Variants in RAPGEF5 observed in about 807,000 individuals in gnomAD.
The protein encoded by RAPGEF5 is M-Ras-regulated GEF.
Under a neutral mutation model 125.2 loss-of-function variants are expected in RAPGEF5, and 65 were observed. The observed-to-expected ratio is 0.52, with a 90% confidence interval of 0.43 to 0.64. RAPGEF5 has a LOEUF of 0.64. RAPGEF5 is among the 30% of genes least tolerant of loss of function. RAPGEF5 has a pLI of 0.00. For missense variants in RAPGEF5, 958 were observed against 1,048.1 expected, an observed-to-expected ratio of 0.91 and a Z score of 1.19; for synonymous variants, 391 against 385.9, an observed-to-expected ratio of 1.01 and a Z score of -0.16.
intron 11 of RAPGEF5, among the ~76,000 whole-genome samples, chr7:22,174,576 T>A (rs1188103362): frequency 6.6e-6 from 1 of 152,214 alleles, no homozygotes; most frequent in Non-Finnish European, 1.5e-5. Flanking sequence ...AGTCTTGGTC[T>A]ACAGCACAGT....
intron 3 of RAPGEF5, among the ~76,000 whole-genome samples, chr7:22,311,130 A>C (rs1783460715): frequency 6.6e-6 from 1 of 152,038 alleles, no homozygotes; most frequent in African/African-American, 2.4e-5. Flanking sequence ...GACTTGAGAG[A>C]TCCTCCCACC....
Position 22,122,949 on chromosome 7 carries a change from G to A in RAPGEF5, c.2537-428C>T, listed in dbSNP as rs543697675. 1.8e-4 allele frequency among the ~76,000 whole-genome samples: 28 copies of A among 152,136 alleles called. No individual in the cohort carries two copies. In the South Asian group the frequency reaches 2.3e-3, roughly 12 times the overall value. Reference sequence around the variant, plus strand: ...GGGTCCTATATCTCAGTCTAGAAGCGTTGAAAATCGCTGATAATGTATTTA... The same window carrying A: ...GGGTCCTATATCTCAGTCTAGAAGCATTGAAAATCGCTGATAATGTATTTA... On this transcript the variant is annotated intron_variant, in intron 25 of 25. Transcript: ENST00000665637.
intron 7 of RAPGEF5, among the ~76,000 whole-genome samples, chr7:22,244,147 A>C (rs1786410173): frequency 6.6e-6 from 1 of 152,088 alleles, no homozygotes; most frequent in Admixed American, 6.5e-5. Flanking sequence ...TCAAGACTGA[A>C]TAGTATTCTA....
At chr7:22,145,533 T>G (rs968314842) in intron 19 of RAPGEF5, among the ~76,000 whole-genome samples, 2 of 152,206 alleles carry the variant, frequency 1.3e-5, no homozygotes, top group African/African-American at 4.8e-5. Flanking sequence ...TTTCCCAAAC[T>G]TGTCATGTTG....
At chr7:22,190,503 A>G (rs911311366) in intron 11 of RAPGEF5, among the ~76,000 whole-genome samples, 1 of 152,224 alleles carries the variant, frequency 6.6e-6, no homozygotes, top group Non-Finnish European at 1.5e-5. Flanking sequence ...ATTTGCTGAT[A>G]GAATACTATA....
chr7:22,219,089 A>G (rs1237383620), intron 9 of RAPGEF5, among the ~76,000 whole-genome samples: 1 of 152,202 alleles, frequency 6.6e-6, no homozygotes, highest in Non-Finnish European at 1.5e-5. Flanking sequence ...AAACACATGT[A>G]TAAGCGCAGA....
intron 9 of RAPGEF5, among the ~76,000 whole-genome samples, chr7:22,199,126 G>T (rs180869570): frequency 3.8e-4 from 58 of 152,272 alleles, no homozygotes; most frequent in Middle Eastern, 6.8e-3. Context: ...TTTAGTTCTG[G>T]ATGGCCTGTC....
intron 6 of RAPGEF5, among the ~76,000 whole-genome samples, chr7:22,278,492 A>C (rs1176202173): frequency 6.6e-6 from 1 of 152,048 alleles, no homozygotes; most frequent in East Asian, 1.9e-4. Context: ...AAATTCAGAA[A>C]ATGAACAAAA....
rs1211641462 is a variant in RAPGEF5, at chr7:22,223,280, ACT to A, written c.871-3291_871-3290del. ...TGCTTCAAGGAGGAAGAAGTGAAAAACTCTATCGAATGTTGCTGAAATATCAA... is the reference window on the plus strand; with the variant it reads ...TGCTTCAAGGAGGAAGAAGTGAAAAACTATCGAATGTTGCTGAAATATCAA... On this transcript the variant is annotated intron_variant, in intron 8 of 25. Coordinates refer to ENST00000665637, the MANE Select transcript of RAPGEF5 (RefSeq NM_012294.5). 1.8e-4 allele frequency among the ~76,000 whole-genome samples: 28 copies of A among 152,060 alleles called. No homozygotes were observed. The East Asian group carries it at 5.0e-3, about 27-fold the overall frequency.
intron 11 of RAPGEF5, among the ~76,000 whole-genome samples, chr7:22,182,295 G>C (rs953772490): frequency 5.3e-5 from 8 of 152,294 alleles, no homozygotes; most frequent in East Asian, 1.9e-4. Flanking sequence ...GAAGGAGACA[G>C]AGGTTTTTCA....
intron 7 of RAPGEF5, among the ~76,000 whole-genome samples, chr7:22,264,942 A>T (rs1053693258): frequency 6.6e-6 from 1 of 152,130 alleles, no homozygotes; most frequent in African/African-American, 2.4e-5. Context: ...GCTCCAGCAA[A>T]ATTTATTTCC....
intron 6 of RAPGEF5, among the ~76,000 whole-genome samples, chr7:22,285,244 A>C (rs1300217805): frequency 6.6e-6 from 1 of 152,220 alleles, no homozygotes; most frequent in Non-Finnish European, 1.5e-5. Context: ...TACAGTTTCT[A>C]CCAAATGTGT....
At chr7:22,285,097 G>A (rs1370569071) in intron 6 of RAPGEF5, among the ~76,000 whole-genome samples, 3 of 152,188 alleles carry the variant, frequency 2.0e-5, no homozygotes, top group South Asian at 2.1e-4. Flanking sequence ...ACAGAGCACC[G>A]TGGAGTACCA....
chr7:22,144,216 G>C (rs762452524), intron 20 of RAPGEF5, among the ~76,000 whole-genome samples: 1 of 152,274 alleles, frequency 6.6e-6, no homozygotes, highest in African/African-American at 2.4e-5. Context: ...TCTGTACCAC[G>C]CACCCAGGTA....
intron 11 of RAPGEF5, among the ~76,000 whole-genome samples, chr7:22,190,415 C>A (rs1021866884): frequency 6.6e-6 from 1 of 152,090 alleles, no homozygotes; most frequent in Non-Finnish European, 1.5e-5. Context: ...TAGGTGTGTG[C>A]GAGTCAACTC....
intron 15 of RAPGEF5, 129 bp from the exon 16 acceptor site, chr7:22,157,017 T>A: frequency 2.1e-6 from 3 of 1,422,346 alleles, no homozygotes; most frequent in Non-Finnish European, 2.8e-6. Context: ...CCATCCAATC[T>A]TAGAGAAATA....
At chr7:22,184,065 G>A (rs1367971928) in intron 11 of RAPGEF5, among the ~76,000 whole-genome samples, 4 of 152,152 alleles carry the variant, frequency 2.6e-5, no homozygotes, top group Admixed American at 1.3e-4. Flanking sequence ...CGTTTACAAA[G>A]TCTACTGTAA....
intron 9 of RAPGEF5, among the ~76,000 whole-genome samples, chr7:22,214,467 C>T (rs1475369153): frequency 1.3e-5 from 2 of 152,206 alleles, no homozygotes; most frequent in South Asian, 2.1e-4. Flanking sequence ...TTCTAATCTA[C>T]AATTTAATAC....
intron 5 of RAPGEF5, among the ~76,000 whole-genome samples, chr7:22,295,660 CT>C (rs2128148748): frequency 6.6e-6 from 1 of 152,144 alleles, no homozygotes; most frequent in South Asian, 2.1e-4. Flanking sequence ...TTTCATAACA[CT>C]TTTTACAAAA....
Sources: allele counts gnomAD v4.1 joint callset (sites outside exome capture counted in the v4.1 genomes callset), GRCh38; gene constraint gnomAD v4.1.1; transcripts MANE v1.5; gene names NCBI Gene and HGNC (gene_info 2026-07-23, HGNC 2026-07-21).